Variants in MLLT10 observed in about 807,000 individuals in gnomAD.
MLLT10 encodes protein AF-10.
In MLLT10, 30 loss-of-function variants were observed where a neutral mutation model predicts 129.1. The observed-to-expected ratio is 0.23, with a 90% CI of 0.17 to 0.32. MLLT10 has a LOEUF of 0.32. Ranked by LOEUF, MLLT10 falls within the 10% of genes least tolerant of loss-of-function variation. The pLI, the probability that MLLT10 is intolerant of heterozygous loss-of-function variation, is 1.00. For missense variants in MLLT10, 1,119 were observed against 1,268.3 expected, an observed-to-expected ratio of 0.88 and a Z score of 1.79; for synonymous variants, 490 against 446.4, an observed-to-expected ratio of 1.10 and a Z score of -1.23.
chr10:21,551,490 A>G (rs1476557851), intron 3 of MLLT10, among the ~76,000 whole-genome samples: 1 of 151,740 alleles, frequency 6.6e-6, no homozygotes, highest in Admixed American at 6.6e-5. Context: ...GCTTTCAAAG[A>G]GGTGGTTTTC....
chr10:21,663,721 C>G (rs751608255), intron 9 of MLLT10, among the ~76,000 whole-genome samples: 22 of 152,128 alleles, frequency 1.4e-4, no homozygotes, highest in Admixed American at 3.3e-4. Flanking sequence ...CCTGCCACCC[C>G]ACCTGGGTAA....
At chr10:21,632,484 C>T (rs1244848629) in intron 8 of MLLT10, among the ~76,000 whole-genome samples, 1 of 151,882 alleles carries the variant, frequency 6.6e-6, no homozygotes, top group Non-Finnish European at 1.5e-5. Context: ...TTTTCATTTC[C>T]ATTTTTATAG....
At chr10:21,739,874 GTTA>G (rs775206011) in intron 21 of MLLT10, among the ~76,000 whole-genome samples, 153 bp from the exon 22 acceptor site, 7 of 152,100 alleles carry the variant, frequency 4.6e-5, no homozygotes, top group African/African-American at 1.7e-4. Flanking sequence ...ATAGTAGATG[GTTA>G]TTATCTAGTG....
In MLLT10 at chr10:21,731,092, T is replaced by C. The variant is rs1183988992; in HGVS notation, c.2218+38T>C. 6 of 1,561,270 alleles carry C rather than the reference T, an allele frequency of 3.8e-6. No homozygotes were observed. In the Admixed American group the frequency reaches 5.7e-5, roughly 15 times the overall value. ...TTTCTTATATGTGAATCAAGACAGA[T>C]GGGCAGATGGACAAACAGGCAGATG... is the stretch of plus-strand genomic sequence containing the variant. On this transcript the variant is annotated intron_variant, in intron 17 of 22. Coordinates refer to ENST00000307729, the MANE Select transcript of MLLT10 (RefSeq NM_001195626.3).
intron 9 of MLLT10, among the ~76,000 whole-genome samples, chr10:21,652,155 G>T (rs186451744): frequency 6.6e-6 from 1 of 151,790 alleles, no homozygotes; most frequent in Non-Finnish European, 1.5e-5. Context: ...CTTGTGATCC[G>T]CCCACCTCAG....
At chr10:21,690,880 C>G (rs1564654596) in intron 13 of MLLT10, among the ~76,000 whole-genome samples, 1 of 152,008 alleles carries the variant, frequency 6.6e-6, no homozygotes, top group African/African-American at 2.4e-5. Context: ...ACAGATTATT[C>G]TAATATCCTC....
intron 3 of MLLT10, chr10:21,556,861 C>T (rs2038085455): frequency 1.3e-6 from 2 of 1,551,320 alleles, no homozygotes; most frequent in Non-Finnish European, 1.7e-6. Context: ...TTCTAGTTTC[C>T]AGGGATATTC....
chr10:21,622,221 C>A (rs1383562780), intron 8 of MLLT10, among the ~76,000 whole-genome samples: 3 of 147,506 alleles, frequency 2.0e-5, no homozygotes, highest in Non-Finnish European at 4.5e-5. Context: ...GCAGTGGCAC[C>A]ACCATAGCTC....
chr10:21,645,176 T>C (rs1387031149), intron 8 of MLLT10, among the ~76,000 whole-genome samples: 1 of 152,222 alleles, frequency 6.6e-6, no homozygotes, highest in Non-Finnish European at 1.5e-5. Flanking sequence ...CTGAATCCTG[T>C]AGCTCAGTCT....
At position 21,742,010 on chromosome 10, in the gene MLLT10, T is replaced by C. The variant is rs1321069892; in HGVS notation, c.*27T>C. The C allele has an allele frequency of 6.2e-7, 1 of 1,609,690 alleles. No individual in the cohort carries two copies. The highest frequency in any genetic ancestry group is 2.2e-5 in the East Asian group (1 of 44,814). On this transcript the variant is annotated 3_prime_UTR_variant, in exon 23 of 23. Coordinates refer to ENST00000307729, the MANE Select transcript of MLLT10 (RefSeq NM_001195626.3). ...ACCTGAGAAACATCTAGAAATTGCC[T>C]ATCCTGCTGTTCTAGCACTTCATCT... is the stretch of plus-strand genomic sequence containing the variant.
At chr10:21,570,592 T>A (rs565495850) in intron 3 of MLLT10, among the ~76,000 whole-genome samples, 33 of 152,032 alleles carry the variant, frequency 2.2e-4, no homozygotes, top group Non-Finnish European at 4.3e-4. Context: ...GTTTTTTTTT[T>A]CTGTGTTTCA....
At chr10:21,601,971 G>A (rs2043577145) in intron 5 of MLLT10, among the ~76,000 whole-genome samples, 1 of 152,190 alleles carries the variant, frequency 6.6e-6, no homozygotes, top group Admixed American at 6.5e-5. Flanking sequence ...CTTCAGGGAA[G>A]GTTACATTGC....
At chr10:21,575,301 C>T (rs973891062) in intron 3 of MLLT10, among the ~76,000 whole-genome samples, 1 of 152,088 alleles carries the variant, frequency 6.6e-6, no homozygotes, top group African/African-American at 2.4e-5. Context: ...AAGCGATTCT[C>T]CTGCCTCAGC....
chr10:21,632,160 A>G (rs1208720322), intron 8 of MLLT10, among the ~76,000 whole-genome samples: 2 of 152,336 alleles, frequency 1.3e-5, no homozygotes, highest in Middle Eastern at 3.4e-3. Flanking sequence ...TTTGAAATTT[A>G]GCTTGAATTC....
chr10:21,714,074 G>C (rs188949473), intron 14 of MLLT10, 124 bp downstream of exon 14: 2 of 734,362 alleles, frequency 2.7e-6, no homozygotes, highest in African/African-American at 3.6e-5. Flanking sequence ...ACCTCAATTT[G>C]TATTAATGTA....
intron 9 of MLLT10, among the ~76,000 whole-genome samples, chr10:21,667,375 T>TC (rs968265585): frequency 5.9e-5 from 9 of 151,430 alleles, no homozygotes; most frequent in African/African-American, 1.9e-4. Flanking sequence ...GGGTTTTTTT[T>TC]TTTTCATCAA....
chr10:21,618,549 G>A (rs2045497357), intron 8 of MLLT10, among the ~76,000 whole-genome samples: 1 of 152,048 alleles, frequency 6.6e-6, no homozygotes, highest in African/African-American at 2.4e-5. Flanking sequence ...GCTTTTTCAA[G>A]GTAAACATTG....
Position 21,728,028 on chromosome 10 carries a change from A to G in MLLT10, c.2063+100A>G, listed in dbSNP as rs563498596. On this transcript the variant is annotated intron_variant, in intron 16 of 22. Transcript: ENST00000307729. Reference sequence around the variant, plus strand: ...GTAGAGTGTACATTTGTGAGGCTATAAAAGCATTCTACAGATAAGAAGCAT... The same window carrying G: ...GTAGAGTGTACATTTGTGAGGCTATGAAAGCATTCTACAGATAAGAAGCAT... The G allele has an allele frequency of 7.9e-6, 7 of 883,816 alleles. No homozygotes were observed. The East Asian group carries it at 1.9e-4, about 24-fold the overall frequency. 54.7% of individuals were successfully genotyped at this position (883,816 alleles called of 1,614,324 possible). A position where few individuals can be genotyped will look rare whatever the true frequency, so the allele number is the denominator to read the frequency against.
chr10:21,646,195 A>C (rs889947282), intron 8 of MLLT10, among the ~76,000 whole-genome samples: 6 of 152,120 alleles, frequency 3.9e-5, no homozygotes, highest in Non-Finnish European at 7.4e-5. Context: ...ACAGAGTGAG[A>C]CTGTATCCCA....
Sources: gnomAD v4.1 joint callset for allele counts (sites outside exome capture counted in the v4.1 genomes callset) on GRCh38, gnomAD v4.1.1 for gene constraint, MANE v1.5 for transcripts, NCBI Gene and HGNC (gene_info 2026-07-23, HGNC 2026-07-21) for gene names.